DACH2: variants seen among roughly 807,000 people sequenced by gnomAD.
DACH2 encodes dachshund homolog 2.
A neutral mutation model predicts 35.8 loss-of-function variants in DACH2; 17 were observed. The observed-to-expected ratio is 0.48, with a 90% CI of 0.33 to 0.71. The LOEUF (loss-of-function observed/expected upper bound fraction) is 0.71, where lower values mean the gene tolerates loss of function less well. Among genes scored for constraint, DACH2 ranks in the 30% least tolerant of loss-of-function variants. The probability of loss-of-function intolerance (pLI) is 0.02; values close to 1 mark genes in which losing one functional copy is unlikely to be tolerated. For synonymous variants in DACH2, 195 were observed against 177.3 expected, an observed-to-expected ratio of 1.10 and a Z score of -0.79; for missense variants, 469 against 472.7, an observed-to-expected ratio of 0.99 and a Z score of 0.07.
intron 7 of DACH2, among the ~76,000 whole-genome samples, chrX:86,810,280 T>G (rs1002039770): frequency 4.5e-5 from 5 of 111,979 alleles, no homozygotes; most frequent in Non-Finnish European, 9.4e-5. Flanking sequence ...TCAGCTATCT[T>G]GTTTGTAAAG....
chrX:86,667,431 AAAG>A (rs2040690661), intron 4 of DACH2, among the ~76,000 whole-genome samples: 1 of 81,024 alleles, frequency 1.2e-5, no homozygotes, highest in South Asian at 4.9e-4. Flanking sequence ...AGAAGAAAGA[AAAG>A]AAAGAAAGAA....
intron 2 of DACH2, among the ~76,000 whole-genome samples, chrX:86,405,052 G>A (rs1471575530): frequency 1.8e-5 from 2 of 111,429 alleles, no homozygotes; most frequent in Non-Finnish European, 3.8e-5. Context: ...AATTCCCAAG[G>A]CTGCACATGG....
intron 4 of DACH2, among the ~76,000 whole-genome samples, chrX:86,684,937 A>G (rs1214525490): frequency 1.8e-5 from 2 of 111,834 alleles, no homozygotes; most frequent in Non-Finnish European, 1.9e-5. Context: ...TAAGAAGATT[A>G]AACAAGATTT....
rs1006070467 is a variant in DACH2 at position 86,615,707 on chromosome X, C to G, written c.641-35329C>G. Among the ~76,000 whole-genome samples, 22 of 110,675 alleles carry G rather than the reference C, an allele frequency of 2.0e-4. No individual in the cohort carries two copies. In the Admixed American group the frequency reaches 2.0e-3, roughly 10 times the overall value. On this transcript the variant is annotated intron_variant, in intron 3 of 11. Transcript: ENST00000373125. The stretch of plus-strand genomic sequence containing the variant: ...TCTTTCTCTCCCCTCATCCTGTAAC[C>G]GGTATTATATACCACATGGACCTTA...
intron 2 of DACH2, among the ~76,000 whole-genome samples, chrX:86,459,196 T>G (rs1318188824): frequency 9.0e-6 from 1 of 111,550 alleles, no homozygotes; most frequent in East Asian, 2.8e-4. Context: ...CTTCTATTGT[T>G]TTATATCACA....
At chrX:86,719,886 A>G (rs1449393012) in intron 6 of DACH2, among the ~76,000 whole-genome samples, 1 of 104,598 alleles carries the variant, frequency 9.6e-6, no homozygotes, top group Non-Finnish European at 2.0e-5. Flanking sequence ...TCCAAACACA[A>G]TCATACCCTT....
chrX:86,327,170 CTT>C (rs1353087658), intron 1 of DACH2, among the ~76,000 whole-genome samples: 1 of 112,116 alleles, frequency 8.9e-6, no homozygotes, highest in Non-Finnish European at 1.9e-5. Flanking sequence ...ATCTGGAAAT[CTT>C]TATACTTCCT....
intron 7 of DACH2, among the ~76,000 whole-genome samples, chrX:86,802,377 T>C (rs1461894180): frequency 9.0e-6 from 1 of 110,518 alleles, no homozygotes; most frequent in Non-Finnish European, 1.9e-5. Flanking sequence ...CCTTCTACCT[T>C]CCATTGACTC....
At chrX:86,529,971 A>ACG (rs1293835132) in intron 3 of DACH2, among the ~76,000 whole-genome samples, 12 of 45,132 alleles carry the variant, frequency 2.7e-4, no homozygotes, top group East Asian at 8.4e-4. Flanking sequence ...ACACACACAC[A>ACG]CACACGCACA....
intron 3 of DACH2, among the ~76,000 whole-genome samples, chrX:86,647,152 A>G (rs1021444508): frequency 9.1e-6 from 1 of 110,356 alleles, no homozygotes; most frequent in African/African-American, 3.3e-5. Context: ...GAACTATCAT[A>G]CCATCCAACG....
intron 1 of DACH2, among the ~76,000 whole-genome samples, chrX:86,255,631 G>A (rs1272952932): frequency 2.7e-5 from 3 of 111,516 alleles, no homozygotes; most frequent in African/African-American, 6.5e-5. Flanking sequence ...GCACACGACC[G>A]TGTTTGTAGT....
intron 1 of DACH2, among the ~76,000 whole-genome samples, chrX:86,373,933 T>G (rs1165188908): frequency 9.0e-6 from 1 of 111,216 alleles, no homozygotes; most frequent in Non-Finnish European, 1.9e-5. Context: ...TCTCTTTAGT[T>G]TACTTCACAT....
chrX:86,425,203 G>A (rs762577970), intron 2 of DACH2, among the ~76,000 whole-genome samples: 1 of 110,597 alleles, frequency 9.0e-6, no homozygotes, highest in Non-Finnish European at 1.9e-5. Context: ...GAATGAGTTT[G>A]GAAGTATTCC....
intron 1 of DACH2, among the ~76,000 whole-genome samples, chrX:86,282,178 A>C (rs961499292): frequency 8.4e-5 from 9 of 107,302 alleles, no homozygotes; most frequent in Non-Finnish European, 3.9e-5. Context: ...ACCAAAAAAA[A>C]GAGCTCATAT....
chrX:86,486,673 T>A (rs766704931), intron 2 of DACH2, among the ~76,000 whole-genome samples: 2 of 111,612 alleles, frequency 1.8e-5, no homozygotes, highest in Non-Finnish European at 3.8e-5. Context: ...TGCCTCATGT[T>A]GAAAAATCAA....
At chrX:86,662,533 C>G (rs1487177955) in intron 4 of DACH2, among the ~76,000 whole-genome samples, 1 of 109,612 alleles carries the variant, frequency 9.1e-6, no homozygotes, top group African/African-American at 3.3e-5. Context: ...GCGGAGGTTG[C>G]AGTGAGCCGA....
At chrX:86,714,773 G>A (rs2041317301) in intron 6 of DACH2, 53 bp downstream of exon 6, 3 of 1,039,380 alleles carry the variant, frequency 2.9e-6, no homozygotes, top group Non-Finnish European at 3.9e-6. Context: ...TGCAAATTTT[G>A]ATAAAATATT....
intron 1 of DACH2, among the ~76,000 whole-genome samples, chrX:86,200,016 G>A (rs757867846): frequency 8.9e-5 from 10 of 111,804 alleles, no homozygotes; most frequent in African/African-American, 3.3e-4. Flanking sequence ...AACAAAGCTG[G>A]AAGCATCATG....
intron 1 of DACH2, among the ~76,000 whole-genome samples, chrX:86,339,892 A>T (rs1051828128): frequency 1.5e-4 from 17 of 112,061 alleles, no homozygotes; most frequent in Non-Finnish European, 3.2e-4. Flanking sequence ...TAAAATGGCC[A>T]GGTACCATAA....
Sources: allele counts gnomAD v4.1 joint callset (sites outside exome capture counted in the v4.1 genomes callset), GRCh38; gene constraint gnomAD v4.1.1; transcripts MANE v1.5; gene names NCBI Gene and HGNC (gene_info 2026-07-23, HGNC 2026-07-21).